C3orf33: variants seen among roughly 807,000 people sequenced by gnomAD.
The protein encoded by C3orf33 is AP-1 activity suppressor.
A neutral mutation model predicts 28.7 loss-of-function variants in C3orf33; 23 were observed. The observed-to-expected ratio is 0.80, with a 90% CI of 0.58 to 1.13. The LOEUF (loss-of-function observed/expected upper bound fraction) is 1.13, where lower values mean the gene tolerates loss of function less well. C3orf33 is among the 50% of genes most tolerant of loss of function. C3orf33 has a pLI of 0.00. For missense variants in C3orf33, 327 were observed against 353.4 expected, an observed-to-expected ratio of 0.93 and a Z score of 0.60; for synonymous variants, 119 against 120.5, an observed-to-expected ratio of 0.99 and a Z score of 0.08.
intron 2 of C3orf33, among the ~76,000 whole-genome samples, chr3:155,786,290 G>A (rs1751103131): frequency 1.3e-5 from 2 of 151,612 alleles, no homozygotes; most frequent in South Asian, 4.2e-4. Context: ...AGACAGGAAG[G>A]AGAAAAACAA....
intron 2 of C3orf33, among the ~76,000 whole-genome samples, chr3:155,777,447 CT>C (rs567430199): frequency 1.3e-3 from 182 of 144,790 alleles, no homozygotes; most frequent in Non-Finnish European, 1.5e-3. Flanking sequence ...CATTACAGAT[CT>C]TTTTTTTTTT....
intron 2 of C3orf33, among the ~76,000 whole-genome samples, chr3:155,781,857 C>T (rs1400614497): frequency 6.8e-6 from 1 of 148,104 alleles, no homozygotes; most frequent in Non-Finnish European, 1.5e-5. Flanking sequence ...ACAGGCAGAT[C>T]ACCAGGTCAG....
In C3orf33 at chr3:155,784,463, G is replaced by A. The variant is rs140352297; in HGVS notation, c.175-8615C>T. Among the ~76,000 whole-genome samples, 620 of 152,178 alleles carry A rather than the reference G, an allele frequency of 4.1e-3. 5 individuals carry two copies. Among genetic ancestry groups the A allele is most frequent in the African/African-American group, 0.014 (574 of 41,528 alleles). On this transcript the variant is annotated intron_variant, in intron 2 of 4. Transcript: ENST00000340171. ...ATATAAAATTAAAACACTTCAGCTG[G>A]GCGTGGTGGCTCATGTCTGTAATCC...
chr3:155,805,118 T>C (rs1045354106), intron 1 of C3orf33, among the ~76,000 whole-genome samples: 3 of 148,876 alleles, frequency 2.0e-5, no homozygotes, highest in African/African-American at 7.5e-5. Flanking sequence ...GCCTAACATG[T>C]CCCTCTCTTG....
chr3:155,792,977 G>A (rs1342385631), intron 2 of C3orf33, among the ~76,000 whole-genome samples: 2 of 151,926 alleles, frequency 1.3e-5, no homozygotes, highest in East Asian at 1.9e-4. Flanking sequence ...AGTACAAGAA[G>A]GTTATGGAAC....
intron 2 of C3orf33, among the ~76,000 whole-genome samples, chr3:155,788,474 A>C (rs1751208764): frequency 6.6e-6 from 1 of 151,706 alleles, no homozygotes; most frequent in African/African-American, 2.4e-5. Flanking sequence ...CACGAGGTCA[A>C]GAGATCGAGA....
At chr3:155,778,301 CTTTAT>C (rs141948306) in intron 2 of C3orf33, among the ~76,000 whole-genome samples, 3,019 of 151,992 alleles carry the variant, frequency 0.02, 99 homozygotes, top group African/African-American at 0.069. Flanking sequence ...TGAATATGAA[CTTTAT>C]TTTATGTAAG....
chr3:155,771,660 G>A (rs1390469105), intron 3 of C3orf33, among the ~76,000 whole-genome samples: 1 of 152,178 alleles, frequency 6.6e-6, no homozygotes, highest in Non-Finnish European at 1.5e-5. Context: ...GCCTCTCAAA[G>A]TGTTGGAAAT....
intron 2 of C3orf33, among the ~76,000 whole-genome samples, chr3:155,793,275 C>T (rs752911929): frequency 6.8e-6 from 1 of 146,112 alleles, no homozygotes; most frequent in Admixed American, 6.8e-5. Flanking sequence ...CAGTCAAACA[C>T]GAAGGAGAAA....
rs377018605 is a variant in C3orf33, at chr3:155,775,708, T to C, written c.315A>G (p.Ser105=). 2.3e-4 allele frequency: 359 copies of C among 1,534,788 alleles called. No homozygotes were observed. In the African/African-American group the frequency reaches 3.6e-3, roughly 15 times the overall value. The change falls in exon 3 of 5, where the codon TCA becomes TCG. Residue 105 remains serine (S), a synonymous_variant. Transcript: ENST00000340171. ...ATCTTGTACCTTACTTACTTCTCAA[T>C]GAAGCTATAATAGGTAAAGTAATAG... The part of the protein sequence containing the change: ...HIPITLPIIA[S]LRKEPRGALL...
At chr3:155,776,456 T>C (rs1214554951) in intron 2 of C3orf33, among the ~76,000 whole-genome samples, 1 of 152,158 alleles carries the variant, frequency 6.6e-6, no homozygotes, top group Non-Finnish European at 1.5e-5. Context: ...CCATAAGCTT[T>C]GTTCATAATT....
At position 155,785,844 on chromosome 3, in the gene C3orf33, T is replaced by C. The variant is rs137966365; in HGVS notation, c.175-9996A>G. On this transcript the variant is annotated intron_variant, in intron 2 of 4. Transcript: ENST00000340171. ...ACTTGAGCTCAGGAGTTTGAGACAA[T>C]TCTGGGCAACATGCCAAAACCCTGT... Among the ~76,000 whole-genome samples the C allele has an allele frequency of 7.6e-3, 1,155 of 151,960 alleles. 15 individuals carry two copies. The highest frequency in any genetic ancestry group is 0.027 in the African/African-American group (1,115 of 41,466).
At chr3:155,795,877 A>G (rs1751462138) in intron 2 of C3orf33, among the ~76,000 whole-genome samples, 1 of 151,958 alleles carries the variant, frequency 6.6e-6, no homozygotes. Flanking sequence ...AATTGCTTGA[A>G]CCCAGGAAGC....
chr3:155,770,245 C>T (rs967495443), intron 3 of C3orf33, among the ~76,000 whole-genome samples: 1 of 152,146 alleles, frequency 6.6e-6, no homozygotes, highest in African/African-American at 2.4e-5. Context: ...GAATTGAGAC[C>T]CACTGAACAG....
chr3:155,781,038 G>GGGACTGC (rs1337638011), intron 2 of C3orf33, among the ~76,000 whole-genome samples: 1 of 148,502 alleles, frequency 6.7e-6, no homozygotes, highest in Non-Finnish European at 1.5e-5. Flanking sequence ...TCGCCCAGGT[G>GGGACTGC]GGACTGCGGA....
chr3:155,768,439 C>G (rs988553514), intron 3 of C3orf33, among the ~76,000 whole-genome samples: 8 of 152,142 alleles, frequency 5.3e-5, no homozygotes, highest in African/African-American at 1.9e-4. Context: ...AAACTGACTT[C>G]TAGACAGGAT....
chr3:155,786,304 A>T (rs930006217), intron 2 of C3orf33, among the ~76,000 whole-genome samples: 1 of 152,136 alleles, frequency 6.6e-6, no homozygotes, highest in African/African-American at 2.4e-5. Context: ...AAAACAATAG[A>T]GAAAAATTAA....
At chr3:155,774,666 CTTTTTTT>C (rs62815064) in intron 3 of C3orf33, among the ~76,000 whole-genome samples, 3 of 95,250 alleles carry the variant, frequency 3.1e-5, no homozygotes, top group East Asian at 3.6e-4. Flanking sequence ...TATTGTTTTG[CTTTTTTT>C]TTTTTTTTTT....
At chr3:155,790,714 A>G (rs543745913) in intron 2 of C3orf33, among the ~76,000 whole-genome samples, 138 of 152,316 alleles carry the variant, frequency 9.1e-4, no homozygotes, top group African/African-American at 3.2e-3. Flanking sequence ...GCTGCCTGTT[A>G]CAGCAGAAAG....
Sources: gnomAD v4.1 joint callset for allele counts (sites outside exome capture counted in the v4.1 genomes callset) on GRCh38, gnomAD v4.1.1 for gene constraint, MANE v1.5 for transcripts, NCBI Gene and HGNC (gene_info 2026-07-23, HGNC 2026-07-21) for gene names.